The following MRPL21 variants were observed in gnomAD, a reference collection of about 807,000 sequenced individuals.
MRPL21 encodes the protein large ribosomal subunit protein bL21m.
MRPL21 carries 20 observed loss-of-function variants against 27.3 expected under a neutral mutation model. The observed-to-expected ratio is 0.73, with a 90% CI of 0.52 to 1.06. The LOEUF is 1.06. Ranked by LOEUF, MRPL21 falls within the 50% of genes least tolerant of loss-of-function variation. The probability of loss-of-function intolerance (pLI) is 0.00; values close to 1 mark genes in which losing one functional copy is unlikely to be tolerated. For missense variants in MRPL21, 249 were observed against 251.4 expected, an observed-to-expected ratio of 0.99 and a Z score of 0.06; for synonymous variants, 98 against 101.5, an observed-to-expected ratio of 0.97 and a Z score of 0.21.
In MRPL21 at chr11:68,891,303, T is replaced by C; in HGVS notation, c.*28A>G. Reference sequence around the variant, plus strand: ...TCCTTGGGAAGCAGGAGTTTATTTTTATCCTTTTGTAAGTATTAACTCGGT... The same window carrying C: ...TCCTTGGGAAGCAGGAGTTTATTTTCATCCTTTTGTAAGTATTAACTCGGT... On this transcript the variant is annotated 3_prime_UTR_variant, in exon 7 of 7. Transcript: ENST00000362034. 6.2e-7 allele frequency: 1 copy of C among 1,609,988 alleles called. No homozygotes were observed. Among genetic ancestry groups the C allele is most frequent in the Non-Finnish European group, 8.5e-7 (1 of 1,176,364 alleles).
intron 6 of MRPL21, chr11:68,891,619 G>C (rs76642353): frequency 4.1e-4 from 247 of 597,134 alleles, no homozygotes; most frequent in Non-Finnish European, 7.1e-4. Flanking sequence ...TCATGGCCAG[G>C]AGTGCCCTGC....
intron 2 of MRPL21, 123 bp from the exon 3 acceptor site, chr11:68,898,135 G>T: frequency 1.3e-6 from 1 of 789,534 alleles, no homozygotes; most frequent in Non-Finnish European, 2.2e-6. Flanking sequence ...TCGCTCTTTC[G>T]GACAGGCCCC....
chr11:68,896,620 G>A lies in MRPL21; in HGVS notation c.291C>T (p.Ala97=), dbSNP rs375288930. Reference sequence around the variant, plus strand: ...ACTGGCGGCTGGCAAAGTGCACCACGGCAAAGAGCCTGCCATACTGCCCCG... The same window carrying A: ...ACTGGCGGCTGGCAAAGTGCACCACAGCAAAGAGCCTGCCATACTGCCCCG... The part of the protein sequence containing the change: ...IVTGQYGRLF[A]VVHFASRQWK... The change falls in exon 4 of 7, where the codon GCC becomes GCT. Residue 97 remains alanine, a synonymous_variant. Transcript: ENST00000362034. 3.5e-5 allele frequency: 57 copies of A among 1,614,096 alleles called. No individual in the cohort carries two copies. Among genetic ancestry groups the A allele is most frequent in the South Asian group, 1.2e-4 (11 of 91,088 alleles).
chr11:68,896,396 T>C (rs1360660806), intron 4 of MRPL21, 119 bp downstream of exon 4: 2 of 1,305,938 alleles, frequency 1.5e-6, no homozygotes, highest in East Asian at 4.6e-5. Context: ...GCCTCAGCTT[T>C]GTTGGCCTCC....
intron 4 of MRPL21, 143 bp downstream of exon 4, chr11:68,896,370 CCA>C: frequency 1.8e-6 from 2 of 1,115,342 alleles, no homozygotes; most frequent in Non-Finnish European, 2.6e-6. Context: ...TGGGCGCCCC[CCA>C]AAGTCCCTTC....
intron 1 of MRPL21, among the ~76,000 whole-genome samples, chr11:68,902,789 G>A (rs1172469027): frequency 3.3e-5 from 5 of 152,064 alleles, no homozygotes; most frequent in Admixed American, 1.3e-4. Context: ...AATCCTCTGA[G>A]CTCCACCTAT....
At chr11:68,901,805 G>C (rs144959491) in intron 1 of MRPL21, among the ~76,000 whole-genome samples, 13 of 152,128 alleles carry the variant, frequency 8.5e-5, no homozygotes, top group Non-Finnish European at 1.6e-4. Context: ...TTAGCCACTC[G>C]TGTCTGACGA....
chr11:68,893,427 GTGAAGT>G lies in MRPL21; in HGVS notation c.419_424del (p.Asn140_Phe141del). The G allele has an allele frequency of 6.2e-7, 1 of 1,614,140 alleles. No individual in the cohort carries two copies. Among genetic ancestry groups the G allele is most frequent in the Non-Finnish European group, 8.5e-7 (1 of 1,180,014 alleles). ...CCCGAGGAGTGGCTTGCCAAGCAGC[GTGAAGT>G]TGTCTGCCCCAACCAGCAGGACCTG... On this transcript the variant is annotated inframe_deletion, in exon 5 of 7. Transcript: ENST00000362034.
chr11:68,898,419 G>GTGGCCCTGGAATGGCAGCTCCAA (rs1857854871), intron 2 of MRPL21, among the ~76,000 whole-genome samples: 12 of 152,330 alleles, frequency 7.9e-5, no homozygotes, highest in Admixed American at 7.2e-4. Context: ...TTGGCATCCA[G>GTGGCCCTGGAATGGCAGCTCCAA]TGGCCCTGGA....
At position 68,893,347 on chromosome 11, in the gene MRPL21, G is replaced by A. The variant is rs558844506; in HGVS notation, c.449+56C>T. 1.2e-5 allele frequency: 20 copies of A among 1,612,136 alleles called. No homozygotes were observed. In the South Asian group the frequency reaches 2.2e-4, roughly 18 times the overall value. ...CTGGCCTAATTGCACTGTGACCACT[G>A]TCTGCATGTCCAGCCCTGGAGCCCC... is the stretch of plus-strand genomic sequence containing the variant. On this transcript the variant is annotated intron_variant, in intron 5 of 6. Transcript: ENST00000362034.
chr11:68,893,331 T>C, intron 5 of MRPL21, 72 bp downstream of exon 5: 1 of 1,604,410 alleles, frequency 6.2e-7, no homozygotes, highest in Non-Finnish European at 8.5e-7. Context: ...CCTGGCCTAA[T>C]TGCACTGTGA....
intron 3 of MRPL21, among the ~76,000 whole-genome samples, chr11:68,897,048 T>A: frequency 6.6e-6 from 1 of 152,216 alleles, no homozygotes; most frequent in East Asian, 1.9e-4. Context: ...TTCATTCTCA[T>A]GAGAATGAGG....
At chr11:68,899,492 G>C (rs982818674) in intron 2 of MRPL21, among the ~76,000 whole-genome samples, 30 of 152,176 alleles carry the variant, frequency 2.0e-4, no homozygotes, top group African/African-American at 7.0e-4. Flanking sequence ...AGCTCCTAGA[G>C]ACATGAACTC....
intron 1 of MRPL21, among the ~76,000 whole-genome samples, chr11:68,901,781 CCTAT>C (rs1481772323): frequency 2.0e-5 from 3 of 152,200 alleles, no homozygotes; most frequent in African/African-American, 7.2e-5. Flanking sequence ...TGCATACCCA[CCTAT>C]CTATCTGCCT....
Position 68,892,062 on chromosome 11 carries a change from G to A in MRPL21, c.554-667C>T, listed in dbSNP as rs925519317. The A allele has an allele frequency of 5.9e-5, 77 of 1,294,954 alleles. No individual in the cohort carries two copies. In the Admixed American group the frequency reaches 8.6e-4, roughly 15 times the overall value. 80.2% of individuals were successfully genotyped at this position (1,294,954 alleles called of 1,614,324 possible). A position where few individuals can be genotyped will look rare whatever the true frequency, so the allele number is the denominator to read the frequency against. ...AGTGGGGTCATGCGTGGAGGGTGGAGGAGAAGGGGAGCGAGGTGGGGTCAC... is the reference window on the plus strand; with the variant it reads ...AGTGGGGTCATGCGTGGAGGGTGGAAGAGAAGGGGAGCGAGGTGGGGTCAC... On this transcript the variant is annotated intron_variant, in intron 6 of 6. Transcript: ENST00000362034.
intron 2 of MRPL21, among the ~76,000 whole-genome samples, chr11:68,900,121 G>A (rs1320299492): frequency 1.3e-5 from 2 of 152,320 alleles, no homozygotes; most frequent in East Asian, 3.9e-4. Flanking sequence ...TTTTAACACT[G>A]AATGTGCTTT....
rs150988778 is a variant in MRPL21, at chr11:68,896,645, G to A, written c.266C>T (p.Thr89Met). ...GGCAAAGAGCCTGCCATACTGCCCC[G>A]TGACGATCATCTCATTCACCTTCTT... ...VVKKVNEMIV[T>M]GQYGRLFAVV... Residue 89 changes from threonine (T) to methionine (M), a missense_variant, in exon 4 of 7, where the codon ACG (threonine) becomes ATG (methionine). Thr to Met is a moderately conservative substitution (Grantham distance 81, BLOSUM62 -1). Coordinates refer to ENST00000362034, the MANE Select transcript of MRPL21 (RefSeq NM_181514.2). The A allele has an allele frequency of 7.4e-5, 119 of 1,614,200 alleles. No homozygotes were observed. The African/African-American group carries it at 1.2e-3, about 17-fold the overall frequency.
chr11:68,893,192 C>T, intron 5 of MRPL21, 199 bp from the exon 6 acceptor site: 2 of 1,352,920 alleles, frequency 1.5e-6, no homozygotes, highest in Admixed American at 2.9e-5. Context: ...CTTCAGAGGA[C>T]CACACTGTCA....
At chr11:68,897,582 C>A (rs375987822) in intron 3 of MRPL21, 1 of 303,448 alleles carries the variant, frequency 3.3e-6, no homozygotes, top group Non-Finnish European at 6.2e-6. Context: ...GTTTCTCCAA[C>A]AGCCCGGGTG....
Sources: gnomAD v4.1 joint callset for allele counts (sites outside exome capture counted in the v4.1 genomes callset) on GRCh38, gnomAD v4.1.1 for gene constraint, MANE v1.5 for transcripts, NCBI Gene and HGNC (gene_info 2026-07-23, HGNC 2026-07-21) for gene names.